The following SGCZ variants were observed in gnomAD, a reference collection of about 807,000 sequenced individuals.
SGCZ encodes sarcoglycan zeta.
SGCZ carries 40 observed loss-of-function variants against 41.3 expected under a neutral mutation model. The observed-to-expected ratio is 0.97, with a 90% CI of 0.75 to 1.26. The LOEUF is 1.26. Ranked by LOEUF, SGCZ falls within the 50% of genes most tolerant of loss-of-function variation. The probability of loss-of-function intolerance (pLI) is 0.00; values close to 1 mark genes in which losing one functional copy is unlikely to be tolerated. For missense variants in SGCZ, 552 were observed against 369.8 expected (o/e 1.49, Z -4.04); for synonymous variants, 206 against 137.5 (o/e 1.50, Z -3.49).
At chr8:14,578,951 G>C (rs995257865) in intron 1 of SGCZ, among the ~76,000 whole-genome samples, 1 of 151,986 alleles carries the variant, frequency 6.6e-6, no homozygotes, top group African/African-American at 2.4e-5. Context: ...TTTACTTTAG[G>C]ATCTAGGAAG....
intron 3 of SGCZ, among the ~76,000 whole-genome samples, chr8:14,307,785 G>A (rs1801395079): frequency 6.6e-6 from 1 of 151,808 alleles, no homozygotes; most frequent in Non-Finnish European, 1.5e-5. Context: ...TTTTCTCATC[G>A]TGAAAGCAAG....
chr8:14,942,873 C>T (rs1180719307), intron 1 of SGCZ, among the ~76,000 whole-genome samples: 1 of 152,086 alleles, frequency 6.6e-6, no homozygotes, highest in Non-Finnish European at 1.5e-5. Context: ...TCCAAGTTCT[C>T]AGAGGCACTT....
At chr8:14,426,829 T>A (rs1349732679) in intron 2 of SGCZ, among the ~76,000 whole-genome samples, 1 of 152,146 alleles carries the variant, frequency 6.6e-6, no homozygotes, top group Admixed American at 6.6e-5. Context: ...TGGAAATATA[T>A]CATGAAGGGA....
intron 4 of SGCZ, among the ~76,000 whole-genome samples, chr8:14,195,979 C>T (rs1195384067): frequency 6.6e-6 from 1 of 152,004 alleles, no homozygotes; most frequent in South Asian, 2.1e-4. Flanking sequence ...GGGTAGTGAC[C>T]ACCTGAGTAA....
At chr8:15,037,737 T>C (rs1803924295) in intron 1 of SGCZ, among the ~76,000 whole-genome samples, 1 of 152,136 alleles carries the variant, frequency 6.6e-6, no homozygotes. Context: ...TGCTAAAGAC[T>C]CTACCAAAAA....
Position 14,850,558 on chromosome 8 carries a change from C to G in SGCZ, c.40-295632G>C, listed in dbSNP as rs573953545. On this transcript the variant is annotated intron_variant, in intron 1 of 7. Transcript: ENST00000382080. ...TTTGGGAGGTAAAGGTTATTATATA[C>G]AAGACATGGAGCTACTTCATAGAAT... Among the ~76,000 whole-genome samples the G allele has an allele frequency of 1.7e-4, 26 of 152,202 alleles. No individual in the cohort carries two copies. The South Asian group carries it at 5.4e-3, about 32-fold the overall frequency.
intron 1 of SGCZ, among the ~76,000 whole-genome samples, chr8:15,076,724 A>G (rs888835118): frequency 6.6e-6 from 1 of 151,016 alleles, no homozygotes; most frequent in African/African-American, 2.4e-5. Context: ...GTACTTGAGT[A>G]CACTCAAGGA....
intron 1 of SGCZ, among the ~76,000 whole-genome samples, chr8:15,081,973 C>G (rs1805767298): frequency 6.6e-6 from 1 of 152,122 alleles, no homozygotes; most frequent in Non-Finnish European, 1.5e-5. Context: ...AGATTTGTTG[C>G]TTTTATTATT....
chr8:14,777,704 GA>G (rs1171991066), intron 1 of SGCZ, among the ~76,000 whole-genome samples: 1 of 151,950 alleles, frequency 6.6e-6, no homozygotes, highest in Non-Finnish European at 1.5e-5. Context: ...AAATGGTTTA[GA>G]AAAAAAGTGT....
intron 1 of SGCZ, among the ~76,000 whole-genome samples, chr8:14,589,109 C>T (rs1805157470): frequency 6.6e-6 from 1 of 152,064 alleles, no homozygotes; most frequent in African/African-American, 2.4e-5. Context: ...AAATGCAGCA[C>T]ACCAACATGG....
At chr8:14,474,358 T>A (rs1274730892) in intron 2 of SGCZ, among the ~76,000 whole-genome samples, 1 of 152,328 alleles carries the variant, frequency 6.6e-6, no homozygotes, top group South Asian at 2.1e-4. Context: ...GCATTTTGGG[T>A]CTATAGACTT....
chr8:15,163,770 A>G (rs1044027456), intron 1 of SGCZ, among the ~76,000 whole-genome samples: 1 of 152,226 alleles, frequency 6.6e-6, no homozygotes, highest in Non-Finnish European at 1.5e-5. Context: ...TTAATAAGTA[A>G]AATATGACAA....
rs139069943 is a variant in SGCZ at position 14,850,824 on chromosome 8, T to C, written c.40-295898A>G. Among the ~76,000 whole-genome samples the C allele has an allele frequency of 4.2e-3, 633 of 152,248 alleles. 4 individuals are homozygous for C. The highest frequency in any genetic ancestry group is 0.018 in the South Asian group (86 of 4,828). On this transcript the variant is annotated intron_variant, in intron 1 of 7. Coordinates refer to ENST00000382080, the MANE Select transcript of SGCZ (RefSeq NM_139167.4). ...CCTGACAGTTTTAAAAGAGGATCTT[T>C]TGCTTCACTCAGTACTTCTCCTTCC...
At chr8:14,131,114 C>G (rs1398782158) in intron 5 of SGCZ, among the ~76,000 whole-genome samples, 1 of 152,180 alleles carries the variant, frequency 6.6e-6, no homozygotes. Flanking sequence ...AACTTCTGCT[C>G]TTAAACTCAC....
intron 1 of SGCZ, among the ~76,000 whole-genome samples, chr8:14,928,312 A>G (rs1374777415): frequency 6.6e-6 from 1 of 152,188 alleles, no homozygotes; most frequent in Non-Finnish European, 1.5e-5. Flanking sequence ...ACTCAACGTC[A>G]AATATGCTAG....
rs547536806 is a variant in SGCZ at position 14,619,723 on chromosome 8, C to G, written c.40-64797G>C. On this transcript the variant is annotated intron_variant, in intron 1 of 7. Coordinates refer to ENST00000382080, the MANE Select transcript of SGCZ (RefSeq NM_139167.4). ...CAAAGAGAATAAAATACCTAGGAAT[C>G]CAACTTACAAGGGATTTGAAGGACC... Among the ~76,000 whole-genome samples, 56 of 152,198 alleles carry G rather than the reference C, an allele frequency of 3.7e-4. 1 individual carries two copies. The East Asian group carries it at 0.01, about 28-fold the overall frequency.
At position 14,345,149 on chromosome 8, in the gene SGCZ, T is replaced by C. The variant is rs185746367; in HGVS notation, c.235-20945A>G. Among the ~76,000 whole-genome samples the C allele has an allele frequency of 8.5e-5, 13 of 152,138 alleles. No individual in the cohort carries two copies. The East Asian group carries it at 2.3e-3, about 27-fold the overall frequency. On this transcript the variant is annotated intron_variant, in intron 2 of 7. Coordinates refer to ENST00000382080, the MANE Select transcript of SGCZ (RefSeq NM_139167.4). Reference sequence around the variant, plus strand: ...GAAATGGAAACTTCATAGAAAAGGATAGTAAAATACCCGTAAACTTATGAA... The same window carrying C: ...GAAATGGAAACTTCATAGAAAAGGACAGTAAAATACCCGTAAACTTATGAA...
At chr8:14,225,476 AC>A (rs5889520) in intron 4 of SGCZ, among the ~76,000 whole-genome samples, 35,104 of 152,004 alleles carry the variant, frequency 0.23, 4,978 homozygotes, top group South Asian at 0.41. Context: ...TTTTTAAAAT[AC>A]CCAGTAAAAG....
At chr8:14,333,661 TCTC>T (rs1325252727) in intron 2 of SGCZ, among the ~76,000 whole-genome samples, 3 of 152,072 alleles carry the variant, frequency 2.0e-5, no homozygotes. Flanking sequence ...AATACAGAGG[TCTC>T]CTAACATTTT....
Sources: gnomAD v4.1 joint callset for allele counts (sites outside exome capture counted in the v4.1 genomes callset) on GRCh38, gnomAD v4.1.1 for gene constraint, MANE v1.5 for transcripts, NCBI Gene and HGNC (gene_info 2026-07-23, HGNC 2026-07-21) for gene names.